The following ROBO1 variants were observed in gnomAD, a reference collection of about 807,000 sequenced individuals.
ROBO1 encodes the protein roundabout guidance receptor 1, also known as roundabout homolog 1.
In ROBO1, 149 loss-of-function variants were observed where a neutral mutation model predicts 195.9. The observed-to-expected ratio is 0.76, with a 90% CI of 0.67 to 0.87. The LOEUF (loss-of-function observed/expected upper bound fraction) is 0.87, where lower values mean the gene tolerates loss of function less well. Ranked by LOEUF, ROBO1 falls within the 40% of genes least tolerant of loss-of-function variation. The pLI is 0.00. For missense variants in ROBO1, 1,933 were observed against 2,068.3 expected (o/e 0.93, Z 1.27); for synonymous variants, 816 against 733.2 (o/e 1.11, Z -1.82).
intron 4 of ROBO1, among the ~76,000 whole-genome samples, chr3:78,776,189 G>C (rs2083500098): frequency 6.6e-6 from 1 of 152,086 alleles, no homozygotes; most frequent in African/African-American, 2.4e-5. Context: ...TTCAAAGAAT[G>C]ACTAACTGAA....
intron 1 of ROBO1, among the ~76,000 whole-genome samples, chr3:79,700,004 A>G (rs1947566536): frequency 6.6e-6 from 1 of 151,432 alleles, no homozygotes; most frequent in Admixed American, 6.6e-5. Context: ...TCTCTCTAAT[A>G]CTTCCCAACA....
chr3:79,340,992 G>A (rs2034885254), intron 2 of ROBO1, among the ~76,000 whole-genome samples: 1 of 152,190 alleles, frequency 6.6e-6, no homozygotes, highest in South Asian at 2.1e-4. Flanking sequence ...ACTGCGGAAT[G>A]TACAAATTCT....
rs1257177676 is a variant in ROBO1 at position 78,906,412 on chromosome 3, A to G, written c.499+32189T>C. ...CCTGACAGCCACTGACTTGGCCTTTATGATGCAGCTTCTCTCCATGTTTGC... is the reference window on the plus strand; with the variant it reads ...CCTGACAGCCACTGACTTGGCCTTTGTGATGCAGCTTCTCTCCATGTTTGC... On this transcript the variant is annotated intron_variant, in intron 4 of 30. Coordinates refer to ENST00000464233, the MANE Select transcript of ROBO1 (RefSeq NM_002941.4). Among the ~76,000 whole-genome samples, 6 of 152,128 alleles carry G rather than the reference A, an allele frequency of 3.9e-5. No homozygotes were observed. The East Asian group carries it at 1.2e-3, about 29-fold the overall frequency.
chr3:79,740,125 A>T (rs904677565), intron 1 of ROBO1, among the ~76,000 whole-genome samples: 1 of 149,860 alleles, frequency 6.7e-6, no homozygotes. Context: ...ATGCACTTCA[A>T]GAGATCCTAC....
chr3:79,564,276 A>G lies in ROBO1; in HGVS notation c.88+25548T>C, dbSNP rs370639282. Reference sequence around the variant, plus strand: ...GGTTCTGTCAAATATCCACTACCTAAGAGTGTAGGCTAGCCATGGTTTAGC... The same window carrying G: ...GGTTCTGTCAAATATCCACTACCTAGGAGTGTAGGCTAGCCATGGTTTAGC... On this transcript the variant is annotated intron_variant, in intron 2 of 30. Coordinates refer to ENST00000464233, the MANE Select transcript of ROBO1 (RefSeq NM_002941.4). Among the ~76,000 whole-genome samples the G allele has an allele frequency of 7.2e-5, 11 of 152,100 alleles. No individual in the cohort carries two copies. The East Asian group carries it at 1.4e-3, about 19-fold the overall frequency.
chr3:79,483,372 G>C (rs1938971660), intron 2 of ROBO1, among the ~76,000 whole-genome samples: 1 of 152,184 alleles, frequency 6.6e-6, no homozygotes, highest in Non-Finnish European at 1.5e-5. Context: ...AGTAAGCCTT[G>C]CTTTGGGAAA....
intron 2 of ROBO1, among the ~76,000 whole-genome samples, chr3:79,402,521 T>G (rs1373949716): frequency 3.3e-5 from 5 of 151,918 alleles, no homozygotes; most frequent in African/African-American, 9.7e-5. Context: ...CTAATAATAA[T>G]AAGTACCCCA....
Position 78,651,564 on chromosome 3 carries a change from G to C in ROBO1, c.2812+168C>G, listed in dbSNP as rs143760019. Among the ~76,000 whole-genome samples, 66 of 152,244 alleles carry C rather than the reference G, an allele frequency of 4.3e-4. 1 individual carries two copies. In the East Asian group the frequency reaches 0.011, roughly 24 times the overall value. ...CTCTATTTGTAGTTCTGCTATGTAAGAGAAGTTAATATGTGGATACCGCAG... is the reference window on the plus strand; with the variant it reads ...CTCTATTTGTAGTTCTGCTATGTAACAGAAGTTAATATGTGGATACCGCAG... On this transcript the variant is annotated intron_variant, in intron 19 of 30. Transcript: ENST00000464233.
intron 2 of ROBO1, among the ~76,000 whole-genome samples, chr3:79,261,922 A>G (rs566516699): frequency 1.3e-5 from 2 of 152,192 alleles, no homozygotes; most frequent in South Asian, 4.1e-4. Context: ...AATTAGTGCT[A>G]TGGCTTACTC....
At chr3:79,729,271 A>G (rs1379684759) in intron 1 of ROBO1, among the ~76,000 whole-genome samples, 1 of 152,154 alleles carries the variant, frequency 6.6e-6, no homozygotes, top group Non-Finnish European at 1.5e-5. Flanking sequence ...TGTAATTCTC[A>G]CAGCACGACT....
chr3:79,641,437 A>G (rs1560062794), intron 1 of ROBO1, among the ~76,000 whole-genome samples: 1 of 152,108 alleles, frequency 6.6e-6, no homozygotes, highest in Admixed American at 6.6e-5. Flanking sequence ...TGGGAGATAT[A>G]CCTAATGCTA....
chr3:79,618,820 G>T (rs960468680), intron 1 of ROBO1, among the ~76,000 whole-genome samples: 2 of 152,124 alleles, frequency 1.3e-5, no homozygotes, highest in Non-Finnish European at 2.9e-5. Context: ...TGGGTAAGTG[G>T]TTTTTTCACT....
Position 79,222,132 on chromosome 3 carries a change from C to T in ROBO1, c.89-96593G>A, listed in dbSNP as rs182068312. On this transcript the variant is annotated intron_variant, in intron 2 of 30. Coordinates refer to ENST00000464233, the MANE Select transcript of ROBO1 (RefSeq NM_002941.4). ...CTATACACATCTTTTTCCTGTGATA[C>T]CATCTTCTCTTCTTATCTCTTTCCT... Among the ~76,000 whole-genome samples, 329 of 152,144 alleles carry T rather than the reference C, an allele frequency of 2.2e-3. 2 individuals carry two copies. The Middle Eastern group carries it at 0.027, about 13-fold the overall frequency.
chr3:79,630,128 C>T (rs533183323), intron 1 of ROBO1, among the ~76,000 whole-genome samples: 1 of 152,042 alleles, frequency 6.6e-6, no homozygotes, highest in East Asian at 1.9e-4. Flanking sequence ...AGAGATTTCT[C>T]TGTAATTCAT....
intron 2 of ROBO1, among the ~76,000 whole-genome samples, chr3:79,236,268 T>C (rs2082405424): frequency 6.6e-6 from 1 of 152,162 alleles, no homozygotes; most frequent in African/African-American, 2.4e-5. Flanking sequence ...TTACCTCTAC[T>C]TGCCCCCTCT....
chr3:78,971,828 C>T (rs1000913852), intron 3 of ROBO1, among the ~76,000 whole-genome samples: 11 of 152,062 alleles, frequency 7.2e-5, no homozygotes, highest in Non-Finnish European at 1.2e-4. Context: ...TGCACTGGTG[C>T]CATCTTGGCT....
chr3:78,886,392 T>C (rs2036573367), intron 4 of ROBO1, among the ~76,000 whole-genome samples: 2 of 152,018 alleles, frequency 1.3e-5, no homozygotes, highest in East Asian at 3.9e-4. Flanking sequence ...GTCAGGAGTT[T>C]GAGACCAACC....
intron 4 of ROBO1, among the ~76,000 whole-genome samples, chr3:78,896,747 T>C (rs1039774939): frequency 6.7e-5 from 10 of 150,166 alleles, no homozygotes; most frequent in Admixed American, 6.0e-4. Flanking sequence ...TATTGATAAA[T>C]GTGATAATTT....
chr3:79,679,604 A>G (rs1946884673), intron 1 of ROBO1, among the ~76,000 whole-genome samples: 1 of 152,064 alleles, frequency 6.6e-6, no homozygotes, highest in Non-Finnish European at 1.5e-5. Flanking sequence ...CAATTTAACA[A>G]GTAATATATT....
Sources: allele counts gnomAD v4.1 joint callset (sites outside exome capture counted in the v4.1 genomes callset), GRCh38; gene constraint gnomAD v4.1.1; transcripts MANE v1.5; gene names NCBI Gene and HGNC (gene_info 2026-07-23, HGNC 2026-07-21).